The following CFAP70 variants were observed in gnomAD, a reference collection of about 807,000 sequenced individuals.
CFAP70 encodes the protein cilia and flagella associated protein 70, also known as cilia- and flagella-associated protein 70.
In CFAP70, 81 loss-of-function variants were observed where a neutral mutation model predicts 137.6. The ratio of observed to expected loss-of-function variants is 0.59; its 90% CI spans 0.49 to 0.71. CFAP70 has a LOEUF of 0.71. Ranked by LOEUF, CFAP70 falls within the 30% of genes least tolerant of loss-of-function variation. The probability of loss-of-function intolerance (pLI) is 0.00; values close to 1 mark genes in which losing one functional copy is unlikely to be tolerated. For missense variants in CFAP70, 976 were observed against 1,226.7 expected, an observed-to-expected ratio of 0.80 and a Z score of 3.05; for synonymous variants, 382 against 423.6, an observed-to-expected ratio of 0.90 and a Z score of 1.20.
intron 9 of CFAP70, among the ~76,000 whole-genome samples, chr10:73,314,661 G>A (rs1216584561): frequency 1.3e-5 from 2 of 152,096 alleles, no homozygotes; most frequent in Non-Finnish European, 2.9e-5. Context: ...AGACTGGAAT[G>A]CAGTGGCACA....
rs769869276 is a variant in CFAP70 at position 73,297,015 on chromosome 10, A to G, written c.1644+27T>C. 1.9e-6 allele frequency: 3 copies of G among 1,605,178 alleles called. No homozygotes were observed. The African/African-American group carries it at 4.0e-5, about 22-fold the overall frequency. ...GACTCTGATGCTCTACAGAGAAAAG[A>G]AAGTGCTCTCAGTTCTTGACACTTA... On this transcript the variant is annotated intron_variant, in intron 15 of 26. Coordinates refer to ENST00000310715, the Ensembl canonical transcript of CFAP70.
rs1250025059 is a variant in CFAP70 at position 73,275,045 on chromosome 10, TCTCCGCTCACTGCAAC to T, written c.2673+385_2673+400del. 1 of 162,592 alleles carries T rather than the reference TCTCCGCTCACTGCAAC, an allele frequency of 6.2e-6. No homozygotes were observed. The highest frequency in any genetic ancestry group is 2.4e-5 in the African/African-American group (1 of 41,744). 10.1% of individuals were successfully genotyped at this position (162,592 alleles called of 1,614,324 possible). On this transcript the variant is annotated intron_variant, in intron 22 of 26. Coordinates refer to ENST00000310715, the Ensembl canonical transcript of CFAP70. The surrounding 1 kb of genome is among the most constrained non-coding windows in gnomAD (Gnocchi z 4.0). ...CAGGCTGGAGAGTGCAATGGCTCAA[TCTCCGCTCACTGCAAC>T]CTCCGCCTCCCAGGTTCAGGCGAGT... is the stretch of plus-strand genomic sequence containing the variant.
intron 7 of CFAP70, among the ~76,000 whole-genome samples, chr10:73,334,571 C>T (rs1006653082): frequency 2.7e-5 from 4 of 150,374 alleles, no homozygotes; most frequent in African/African-American, 9.9e-5. Flanking sequence ...ATCATACATA[C>T]CAATTCTGGA....
chr10:73,297,031 T>C lies in CFAP70; in HGVS notation c.1644+11A>G. ...AGAGAAAAGAAAGTGCTCTCAGTTC[T>C]TGACACTTACCTGGTTTAGGGCTAC... On this transcript the variant is annotated intron_variant, in intron 15 of 26. Coordinates refer to ENST00000310715, the Ensembl canonical transcript of CFAP70. The C allele has an allele frequency of 6.2e-7, 1 of 1,611,572 alleles. No homozygotes were observed. Among genetic ancestry groups the C allele is most frequent in the East Asian group, 2.2e-5 (1 of 44,850 alleles).
At chr10:73,305,748 T>G (rs1044212461) in intron 12 of CFAP70, among the ~76,000 whole-genome samples, 5 of 152,102 alleles carry the variant, frequency 3.3e-5, no homozygotes, top group Admixed American at 6.6e-5. Context: ...CATGATAGTA[T>G]CCACATGTCC....
chr10:73,351,071 G>GTGTGTATA (rs1422420902), intron 3 of CFAP70, among the ~76,000 whole-genome samples: 13 of 31,386 alleles, frequency 4.1e-4, no homozygotes, highest in Non-Finnish European at 7.4e-4. Context: ...GTGTGTGTGT[G>GTGTGTATA]TATATATATA....
intron 1 of CFAP70, among the ~76,000 whole-genome samples, chr10:73,356,620 C>T (rs1228183312): frequency 6.6e-6 from 1 of 152,190 alleles, no homozygotes; most frequent in Non-Finnish European, 1.5e-5. Flanking sequence ...ATTATCCTGC[C>T]TCTTCTCAGC....
intron 9 of CFAP70, among the ~76,000 whole-genome samples, chr10:73,316,745 A>G (rs991858553): frequency 6.6e-6 from 1 of 151,890 alleles, no homozygotes; most frequent in Non-Finnish European, 1.5e-5. Context: ...CTATTATCAT[A>G]TAAATTAAAT....
chr10:73,345,135 G>A (rs1406606794), intron 4 of CFAP70: 1 of 1,614,196 alleles, frequency 6.2e-7, no homozygotes, highest in Non-Finnish European at 8.5e-7. Flanking sequence ...GAAGGATTCA[G>A]GCACAGAGTA....
chr10:73,274,079 GAA>G (rs1274750764), intron 23 of CFAP70, among the ~76,000 whole-genome samples: 1 of 152,224 alleles, frequency 6.6e-6, no homozygotes. Context: ...GTGTTTAGGA[GAA>G]AGTTTGGAGA....
intron 23 of CFAP70, 53 bp from the exon 25 acceptor site, chr10:73,273,070 A>G: frequency 7.6e-7 from 1 of 1,323,848 alleles, no homozygotes; most frequent in Non-Finnish European, 1.1e-6. Context: ...CAAACCCCAT[A>G]TTGCTGGGAT....
chr10:73,359,497 A>C (rs2054917351), upstream of CFAP70, among the ~76,000 whole-genome samples: 2 of 152,226 alleles, frequency 1.3e-5, no homozygotes, highest in African/African-American at 4.8e-5. Context: ...AATAAGGGAC[A>C]ATTTGAGCAT....
chr10:73,316,085 A>G lies in CFAP70; in HGVS notation c.913-3442T>C, dbSNP rs183804848. ...CATTGTGACAGGCCATTCTGTCTTC[A>G]GTAATATGTATTTCTAGTCTTAAAA... On this transcript the variant is annotated intron_variant, in intron 9 of 26. Coordinates refer to ENST00000310715, the Ensembl canonical transcript of CFAP70. Among the ~76,000 whole-genome samples the G allele has an allele frequency of 1.9e-3, 287 of 152,224 alleles. 2 individuals carry two copies. The highest frequency in any genetic ancestry group is 6.5e-3 in the African/African-American group (271 of 41,538).
chr10:73,321,291 AC>A (rs1340620655), intron 9 of CFAP70, among the ~76,000 whole-genome samples: 1 of 152,012 alleles, frequency 6.6e-6, no homozygotes, highest in Non-Finnish European at 1.5e-5. Context: ...GGTAGCATGC[AC>A]CTGTAATCCC....
At chr10:73,279,176 T>C (rs1467960042) in intron 19 of CFAP70, 1 of 152,014 alleles carries the variant, frequency 6.6e-6, no homozygotes, top group Non-Finnish European at 1.5e-5. Flanking sequence ...TTAAATGGCA[T>C]GTAACAAAAT....
chr10:73,336,615 G>C (rs1194348541), intron 6 of CFAP70, among the ~76,000 whole-genome samples: 2 of 126,610 alleles, frequency 1.6e-5, no homozygotes, highest in African/African-American at 6.2e-5. Flanking sequence ...ACAGAGTCTC[G>C]CTCTGTCGCC....
chr10:73,317,972 C>T (rs2050537228), intron 9 of CFAP70, among the ~76,000 whole-genome samples: 1 of 152,136 alleles, frequency 6.6e-6, no homozygotes, highest in South Asian at 2.1e-4. Context: ...TCTGGCACCG[C>T]TCTCCTCTCT....
Position 73,353,543 on chromosome 10 carries a change from C to A in CFAP70, c.250+13G>T, listed in dbSNP as rs751932379. On this transcript the variant is annotated intron_variant, in intron 3 of 26. Coordinates refer to ENST00000310715, the Ensembl canonical transcript of CFAP70. Reference sequence around the variant, plus strand: ...CAATCGGGACATTGATTTTTAGAACCACAAGGACTTACAGAACACAGGTTT... The same window carrying A: ...CAATCGGGACATTGATTTTTAGAACAACAAGGACTTACAGAACACAGGTTT... 6.2e-7 allele frequency: 1 copy of A among 1,609,592 alleles called. No individual in the cohort carries two copies. Among genetic ancestry groups the A allele is most frequent in the East Asian group, 2.2e-5 (1 of 44,768 alleles).
intron 25 of CFAP70, among the ~76,000 whole-genome samples, chr10:73,258,170 A>G (rs2044717673): frequency 6.6e-6 from 1 of 152,248 alleles, no homozygotes; most frequent in African/African-American, 2.4e-5. Flanking sequence ...TCCAATTACA[A>G]TTATGAGAGT....
Sources: allele counts gnomAD v4.1 joint callset (sites outside exome capture counted in the v4.1 genomes callset), GRCh38; gene constraint gnomAD v4.1.1; non-coding constraint Gnocchi (gnomAD v3.1); transcripts MANE v1.5; gene names NCBI Gene and HGNC (gene_info 2026-07-23, HGNC 2026-07-21).